Variants in CSMD1 observed in about 807,000 individuals in gnomAD.
The protein encoded by CSMD1 is CUB and sushi domain-containing protein 1.
In CSMD1, 213 loss-of-function variants were observed where a neutral mutation model predicts 417.5. That is an observed-to-expected ratio of 0.51 (90% confidence interval 0.46 to 0.57). The LOEUF (loss-of-function observed/expected upper bound fraction) is 0.57, where lower values mean the gene tolerates loss of function less well. Among genes scored for constraint, CSMD1 ranks in the 20% least tolerant of loss-of-function variants. CSMD1 has a pLI of 0.00. For missense variants in CSMD1, 6,923 were observed against 4,529.7 expected (o/e 1.53, Z -15.17); for synonymous variants, 2,862 against 1,736.8 (o/e 1.65, Z -16.11).
intron 1 of CSMD1, among the ~76,000 whole-genome samples, chr8:4,790,903 A>C (rs1361864802): frequency 6.6e-6 from 1 of 152,220 alleles, no homozygotes; most frequent in Non-Finnish European, 1.5e-5. Context: ...AGGAAATACC[A>C]TTTTGGACCT....
chr8:3,052,476 G>A lies in CSMD1; in HGVS notation c.7646C>T (p.Pro2549Leu), dbSNP rs773085382. The change falls in exon 50 of 70, where the codon CCG (proline) becomes CTG (leucine). Residue 2549 changes from proline to leucine, a missense_variant. Pro to Leu is a moderately conservative substitution (Grantham distance 98, BLOSUM62 -3). Coordinates refer to ENST00000635120, the MANE Select transcript of CSMD1 (RefSeq NM_033225.6). ...TGAACACTTACGCTTACACGTGGGC[G>A]GCTTCCCCTTGTTACTCCACAACCC... The part of the protein sequence containing the change: ...EDGLWSNKGK[P>L]PTCKPVACPS... 1.1e-5 allele frequency: 18 copies of A among 1,579,962 alleles called. No individual in the cohort carries two copies. Among genetic ancestry groups the A allele is most frequent in the East Asian group, 4.6e-5 (2 of 43,246 alleles).
At chr8:4,695,421 G>A (rs563993282) in intron 1 of CSMD1, among the ~76,000 whole-genome samples, 5 of 152,174 alleles carry the variant, frequency 3.3e-5, no homozygotes, top group Non-Finnish European at 2.9e-5. Context: ...GTAATTAGTC[G>A]CGGATGACCA....
At chr8:4,949,171 T>G (rs903331843) in intron 1 of CSMD1, among the ~76,000 whole-genome samples, 2 of 152,170 alleles carry the variant, frequency 1.3e-5, no homozygotes, top group Admixed American at 6.5e-5. Context: ...AACTCAAGTT[T>G]ATCATGTTAT....
At chr8:3,922,643 T>C (rs1809355584) in intron 5 of CSMD1, among the ~76,000 whole-genome samples, 1 of 152,206 alleles carries the variant, frequency 6.6e-6, no homozygotes, top group Non-Finnish European at 1.5e-5. Context: ...GTAAATTTGG[T>C]CACATAAAAA....
chr8:3,328,443 G>A (rs1333934506), intron 23 of CSMD1, among the ~76,000 whole-genome samples: 2 of 152,142 alleles, frequency 1.3e-5, no homozygotes, highest in Non-Finnish European at 2.9e-5. Context: ...CTAAATATCT[G>A]CACAGAATAC....
chr8:3,869,112 T>C (rs1453143789), intron 5 of CSMD1, among the ~76,000 whole-genome samples: 3 of 152,286 alleles, frequency 2.0e-5, no homozygotes, highest in East Asian at 3.9e-4. Context: ...ACTCTCCTTG[T>C]TCACAAGCCA....
chr8:3,597,798 G>A (rs983062700), intron 8 of CSMD1, among the ~76,000 whole-genome samples: 1 of 152,008 alleles, frequency 6.6e-6, no homozygotes, highest in African/African-American at 2.4e-5. Flanking sequence ...AGAATACACG[G>A]ACACAGGGAG....
intron 3 of CSMD1, among the ~76,000 whole-genome samples, chr8:4,033,655 G>A (rs1004016430): frequency 2.9e-4 from 44 of 152,126 alleles, no homozygotes; most frequent in African/African-American, 1.0e-3. Flanking sequence ...TGCGTCATGG[G>A]CCACTGATGA....
At chr8:3,021,469 T>C (rs1204479619) in intron 51 of CSMD1, among the ~76,000 whole-genome samples, 4 of 152,232 alleles carry the variant, frequency 2.6e-5, no homozygotes, top group Non-Finnish European at 5.9e-5. Flanking sequence ...GCCTTATTTT[T>C]ATGTTCTTTT....
At chr8:3,753,317 A>ATTAT (rs559698159) in intron 6 of CSMD1, among the ~76,000 whole-genome samples, 424 of 152,332 alleles carry the variant, frequency 2.8e-3, no homozygotes, top group African/African-American at 9.6e-3. Flanking sequence ...AGGATTACTC[A>ATTAT]TTATTAGAAA....
intron 41 of CSMD1, among the ~76,000 whole-genome samples, chr8:3,133,670 A>G (rs1817917155): frequency 1.3e-5 from 2 of 152,280 alleles, no homozygotes; most frequent in Middle Eastern, 6.8e-3. Context: ...GAGTGTGATC[A>G]GAGGTAGGCG....
chr8:3,075,910 G>C (rs1813635374), intron 49 of CSMD1, among the ~76,000 whole-genome samples: 1 of 151,528 alleles, frequency 6.6e-6, no homozygotes, highest in Non-Finnish European at 1.5e-5. Context: ...AATTAGCCGG[G>C]CGTGGTGGCG....
intron 3 of CSMD1, among the ~76,000 whole-genome samples, chr8:4,151,738 G>C (rs913740889): frequency 6.6e-6 from 1 of 152,144 alleles, no homozygotes; most frequent in Non-Finnish European, 1.5e-5. Flanking sequence ...GTAAATACTA[G>C]AGGAAGACTG....
Position 3,575,075 on chromosome 8 carries a change from A to C in CSMD1, c.1223-9T>G. The C allele has an allele frequency of 6.2e-7, 1 of 1,612,496 alleles. No homozygotes were observed. Among genetic ancestry groups the C allele is most frequent in the Non-Finnish European group, 8.5e-7 (1 of 1,179,250 alleles). On this transcript the variant is annotated splice_polypyrimidine_tract_variant and intron_variant, in intron 9 of 69. Coordinates refer to ENST00000635120, the MANE Select transcript of CSMD1 (RefSeq NM_033225.6). ...GGATCCACATGTTCTCGCTGGAAAC[A>C]CATAGAAACGACGTTATTTTCTACA... is the stretch of plus-strand genomic sequence containing the variant.
At chr8:4,685,843 A>G (rs1806349468) in intron 1 of CSMD1, among the ~76,000 whole-genome samples, 1 of 152,206 alleles carries the variant, frequency 6.6e-6, no homozygotes, top group Non-Finnish European at 1.5e-5. Flanking sequence ...ACTCATATTT[A>G]TAGGTTTGCT....
At chr8:3,722,546 T>G (rs556001728) in intron 6 of CSMD1, among the ~76,000 whole-genome samples, 51 of 152,298 alleles carry the variant, frequency 3.3e-4, no homozygotes, top group African/African-American at 1.1e-3. Context: ...TAACCCTTCT[T>G]ACCTCTTGTC....
rs1452612858 is a variant in CSMD1, at chr8:3,284,407, C to T, written c.3951-61G>A. The T allele has an allele frequency of 3.8e-6, 5 of 1,302,294 alleles. No homozygotes were observed. The East Asian group carries it at 7.0e-5, about 18-fold the overall frequency. The allele number at this position is 1,302,294 out of a possible 1,614,324, so 80.7% of individuals were successfully genotyped here. A position where few individuals can be genotyped will look rare whatever the true frequency, so the allele number is the denominator to read the frequency against. ...CATCGAGCATGTCCTGACCCCATAG[C>T]TGTAAAGTAAGCAAGCTCATTTCGC... is the stretch of plus-strand genomic sequence containing the variant. On this transcript the variant is annotated intron_variant, in intron 25 of 69. Transcript: ENST00000635120.
chr8:3,254,566 G>C (rs1800506299), intron 26 of CSMD1, among the ~76,000 whole-genome samples: 2 of 152,032 alleles, frequency 1.3e-5, no homozygotes, highest in African/African-American at 4.8e-5. Context: ...TGGAGGCTTT[G>C]TTCCTTTTCA....
intron 12 of CSMD1, among the ~76,000 whole-genome samples, chr8:3,456,178 G>A (rs1365402314): frequency 2.0e-5 from 3 of 152,152 alleles, no homozygotes; most frequent in Non-Finnish European, 4.4e-5. Flanking sequence ...TATTAGGGTG[G>A]GAGTGACCCA....
Sources: allele counts gnomAD v4.1 joint callset (sites outside exome capture counted in the v4.1 genomes callset), GRCh38; gene constraint gnomAD v4.1.1; transcripts MANE v1.5; gene names NCBI Gene and HGNC (gene_info 2026-07-23, HGNC 2026-07-21).